LEPROT: variants seen among roughly 807,000 people sequenced by gnomAD.
The protein encoded by LEPROT is leptin receptor overlapping transcript.
LEPROT carries 3 observed loss-of-function variants against 15.4 expected under a neutral mutation model. The ratio of observed to expected loss-of-function variants is 0.19; its 90% CI spans 0.09 to 0.50. The LOEUF is 0.50. Ranked by LOEUF, LEPROT falls within the 20% of genes least tolerant of loss-of-function variation. LEPROT has a pLI of 0.97. For synonymous variants in LEPROT, 59 were observed against 57.5 expected (o/e 1.03, Z -0.12); for missense variants, 137 against 162.2 (o/e 0.84, Z 0.84).
intron 1 of LEPROT, among the ~76,000 whole-genome samples, chr1:65,423,706 C>G (rs1378874207): frequency 6.6e-6 from 1 of 152,124 alleles, no homozygotes; most frequent in Non-Finnish European, 1.5e-5. Context: ...ACTTTGGCAC[C>G]TTCCTATTAA....
intron 1 of LEPROT, among the ~76,000 whole-genome samples, chr1:65,422,521 C>T (rs906263971): frequency 1.3e-4 from 20 of 152,158 alleles, no homozygotes; most frequent in African/African-American, 4.8e-4. Context: ...GTAACGGCAG[C>T]CCTAGGAAGC....
rs1364099690 is a variant in LEPROT, at chr1:65,420,751, G to A, written c.16+11G>A. 3 of 1,579,600 alleles carry A rather than the reference G, an allele frequency of 1.9e-6. No individual in the cohort carries two copies. Among genetic ancestry groups the A allele is most frequent in the Admixed American group, 3.8e-5 (2 of 52,724 alleles). ...TGGCGGGCGTTAAAGGTACATCGCG[G>A]TCCCCGGCTCGCTTGTCGTGTGGTG... On this transcript the variant is annotated intron_variant, in intron 1 of 3. Transcript: ENST00000371065.
intron 1 of LEPROT, chr1:65,421,587 G>T: frequency 3.8e-6 from 4 of 1,062,212 alleles, no homozygotes; most frequent in Non-Finnish European, 4.1e-6. Context: ...TAAACATGTA[G>T]ATAGTATATA....
rs1040527132 is a variant in LEPROT at position 65,433,829 on chromosome 1, T to C, written c.*1910T>C. The C allele has an allele frequency of 2.3e-5, 23 of 984,620 alleles. No individual in the cohort carries two copies. The highest frequency in any genetic ancestry group is 5.2e-4 in the Middle Eastern group (1 of 1,912). 61.0% of individuals were successfully genotyped at this position (984,620 alleles called of 1,614,324 possible). On this transcript the variant is annotated 3_prime_UTR_variant, in exon 4 of 4. Coordinates refer to ENST00000371065, the MANE Select transcript of LEPROT (RefSeq NM_017526.5). ...AAAGTTTAACTTTAAAATTTTTTTG[T>C]GATGTTGCCTTGCCTGAAAAGATAA...
rs1163124923 is a variant in LEPROT, at chr1:65,428,423, G to T, written c.93-1439G>T. Among the ~76,000 whole-genome samples the T allele has an allele frequency of 3.9e-5, 6 of 152,126 alleles. No homozygotes were observed. The East Asian group carries it at 1.2e-3, about 29-fold the overall frequency. On this transcript the variant is annotated intron_variant, in intron 2 of 3. Transcript: ENST00000371065. ...CTCCTTTCTCACTGTTGAAAGAAGG[G>T]CTTTGAAGTAGAGAATGTCTAAGGG...
At chr1:65,426,115 G>A (rs963298862) in intron 2 of LEPROT, among the ~76,000 whole-genome samples, 13 of 152,220 alleles carry the variant, frequency 8.5e-5, no homozygotes, top group Admixed American at 1.3e-4. Flanking sequence ...GGTCAGGGAG[G>A]GCCTCTCAGA....
intron 2 of LEPROT, 31 bp from the exon 3 acceptor site, chr1:65,429,831 T>C (rs200216004): frequency 7.2e-7 from 1 of 1,393,516 alleles, no homozygotes; most frequent in African/African-American, 1.5e-5. Context: ...GTTACTTTTC[T>C]TTTTGGATTT....
rs1477356533 is a variant in LEPROT, at chr1:65,435,713, T to C, written c.*3794T>C. The C allele has an allele frequency of 2.0e-6, 2 of 985,280 alleles. No homozygotes were observed. Among genetic ancestry groups the C allele is most frequent in the Non-Finnish European group, 2.4e-6 (2 of 829,924 alleles). The allele number at this position is 985,280 out of a possible 1,614,324, so 61.0% of individuals were successfully genotyped here. A position where few individuals can be genotyped will look rare whatever the true frequency, so the allele number is the denominator to read the frequency against. ...TGCGAAATCAGATTTTGTATCCCAA[T>C]AGAACCAAAATATTTATGAGGATGC... On this transcript the variant is annotated 3_prime_UTR_variant, in exon 4 of 4. Transcript: ENST00000371065.
At chr1:65,425,399 G>C in intron 2 of LEPROT, 21 bp downstream of exon 2, 1 of 1,576,306 alleles carries the variant, frequency 6.3e-7, no homozygotes. Context: ...ATTTCAAAAA[G>C]AACTATTCCT....
chr1:65,430,103 C>T, intron 3 of LEPROT, 55 bp downstream of exon 3: 1 of 1,429,636 alleles, frequency 7.0e-7, no homozygotes. Flanking sequence ...ACTTCAGAGG[C>T]CTGTGTCTGG....
At chr1:65,424,284 T>C (rs141912374) in intron 1 of LEPROT, among the ~76,000 whole-genome samples, 313 of 152,338 alleles carry the variant, frequency 2.1e-3, no homozygotes, top group African/African-American at 6.7e-3. Context: ...AATCTTCAAA[T>C]ACTTGCAGTA....
intron 1 of LEPROT, among the ~76,000 whole-genome samples, chr1:65,423,547 C>T (rs1198410721): frequency 6.6e-6 from 1 of 152,102 alleles, no homozygotes; most frequent in Non-Finnish European, 1.5e-5. Flanking sequence ...GGGAAAAGAT[C>T]ATCTGAATGA....
chr1:65,435,833 T>C lies in LEPROT; in HGVS notation c.*3914T>C. 1 of 983,176 alleles carries C rather than the reference T, an allele frequency of 1.0e-6. No homozygotes were observed. Among genetic ancestry groups the C allele is most frequent in the Non-Finnish European group, 1.2e-6 (1 of 827,858 alleles). 60.9% of individuals were successfully genotyped at this position (983,176 alleles called of 1,614,324 possible). On this transcript the variant is annotated 3_prime_UTR_variant, in exon 4 of 4. Transcript: ENST00000371065. The stretch of plus-strand genomic sequence containing the variant: ...TTGTGCATTTTAATTTAATTCTCCT[T>C]TTTCCATTTTGTCTCATGAAGTACC...
chr1:65,426,771 G>A (rs780181606), intron 2 of LEPROT, among the ~76,000 whole-genome samples: 4 of 152,144 alleles, frequency 2.6e-5, no homozygotes, highest in Non-Finnish European at 4.4e-5. Context: ...GGCTGAGGCG[G>A]GCAGATCACG....
chr1:65,423,800 T>C (rs913707163), intron 1 of LEPROT, among the ~76,000 whole-genome samples: 10 of 152,226 alleles, frequency 6.6e-5, no homozygotes, highest in East Asian at 1.9e-4. Flanking sequence ...ATACTAATTA[T>C]GAGTATTATG....
At position 65,432,345 on chromosome 1, in the gene LEPROT, C is replaced by T; in HGVS notation, c.*426C>T. 1 of 983,850 alleles carries T rather than the reference C, an allele frequency of 1.0e-6. No homozygotes were observed. The highest frequency in any genetic ancestry group is 1.2e-6 in the Non-Finnish European group (1 of 828,312). 60.9% of individuals were successfully genotyped at this position (983,850 alleles called of 1,614,324 possible). The stretch of plus-strand genomic sequence containing the variant: ...GTAGTCCATGCTATTAAAAGTGTGG[C>T]CCACAGACCAAGAGCCTCAACATTT... On this transcript the variant is annotated 3_prime_UTR_variant, in exon 4 of 4. Transcript: ENST00000371065.
In LEPROT at chr1:65,426,232, G is replaced by A. The variant is rs1353421339; in HGVS notation, c.92+854G>A. Among the ~76,000 whole-genome samples, 3 of 152,120 alleles carry A rather than the reference G, an allele frequency of 2.0e-5. No homozygotes were observed. The East Asian group carries it at 5.8e-4, about 29-fold the overall frequency. On this transcript the variant is annotated intron_variant, in intron 2 of 3. Coordinates refer to ENST00000371065, the MANE Select transcript of LEPROT (RefSeq NM_017526.5). Reference sequence around the variant, plus strand: ...CAGGAAAGCTGAATGCTAAGGCCCGGAGACATGAAAGTGTATATAGCCTTT... The same window carrying A: ...CAGGAAAGCTGAATGCTAAGGCCCGAAGACATGAAAGTGTATATAGCCTTT...
At position 65,434,641 on chromosome 1, in the gene LEPROT, A is replaced by G. The variant is rs993030539; in HGVS notation, c.*2722A>G. 2.0e-6 allele frequency: 2 copies of G among 985,324 alleles called. No homozygotes were observed. Among genetic ancestry groups the G allele is most frequent in the African/African-American group, 3.5e-5 (2 of 57,232 alleles). 61.0% of individuals were successfully genotyped at this position (985,324 alleles called of 1,614,324 possible). On this transcript the variant is annotated 3_prime_UTR_variant, in exon 4 of 4. Coordinates refer to ENST00000371065, the MANE Select transcript of LEPROT (RefSeq NM_017526.5). ...AGTGTGAGTAGTTTGGAGGAAGGAC[A>G]GTGCAACTTTCCACCCCTTTTCCTA...
chr1:65,429,603 A>T (rs1646447433), intron 2 of LEPROT, among the ~76,000 whole-genome samples: 1 of 152,204 alleles, frequency 6.6e-6, no homozygotes, highest in Non-Finnish European at 1.5e-5. Flanking sequence ...GCTCAGTGGT[A>T]CAGAAAACAG....
Sources: allele counts gnomAD v4.1 joint callset (sites outside exome capture counted in the v4.1 genomes callset), GRCh38; gene constraint gnomAD v4.1.1; transcripts MANE v1.5; gene names NCBI Gene and HGNC (gene_info 2026-07-23, HGNC 2026-07-21).